The following DLGAP2 variants were observed in gnomAD, a reference collection of about 807,000 sequenced individuals.
The protein encoded by DLGAP2 is DLG associated protein 2.
DLGAP2 carries 26 observed loss-of-function variants against 100.3 expected under a neutral mutation model. The ratio of observed to expected loss-of-function variants is 0.26; its 90% CI spans 0.19 to 0.36. DLGAP2 has a LOEUF of 0.36. Ranked by LOEUF, DLGAP2 falls within the 10% of genes least tolerant of loss-of-function variation. The pLI is 1.00. For synonymous variants in DLGAP2, 886 were observed against 630.1 expected (o/e 1.41, Z -6.08); for missense variants, 1,858 against 1,453.2 (o/e 1.28, Z -4.53).
chr8:1,226,713 G>A (rs1465429832), intron 2 of DLGAP2, among the ~76,000 whole-genome samples: 1 of 152,044 alleles, frequency 6.6e-6, no homozygotes, highest in East Asian at 1.9e-4. Flanking sequence ...ATTTCCCTGA[G>A]GATTAGTGAT....
At chr8:1,029,501 G>A (rs1801913415) in intron 2 of DLGAP2, among the ~76,000 whole-genome samples, 1 of 151,940 alleles carries the variant, frequency 6.6e-6, no homozygotes, top group Admixed American at 6.6e-5. Context: ...GGATGGCCAA[G>A]GGCGTCCAGC....
At chr8:1,048,910 A>G (rs1283435507) in intron 2 of DLGAP2, among the ~76,000 whole-genome samples, 1 of 152,216 alleles carries the variant, frequency 6.6e-6, no homozygotes, top group Non-Finnish European at 1.5e-5. Flanking sequence ...AACTATATTT[A>G]AAACTGCATG....
intron 3 of DLGAP2, among the ~76,000 whole-genome samples, chr8:1,335,876 G>A (rs965040277): frequency 1.3e-5 from 2 of 151,636 alleles, no homozygotes; most frequent in African/African-American, 2.4e-5. Context: ...GTGTGGCAGA[G>A]CCGGGGCTGC....
chr8:1,177,026 C>T (rs141850458), intron 2 of DLGAP2, among the ~76,000 whole-genome samples: 3 of 152,302 alleles, frequency 2.0e-5, no homozygotes, highest in Admixed American at 6.5e-5. Flanking sequence ...TTGAGATCAT[C>T]GTTGATGTCG....
At chr8:1,408,015 A>C (rs974939839) in intron 3 of DLGAP2, among the ~76,000 whole-genome samples, 2 of 152,228 alleles carry the variant, frequency 1.3e-5, no homozygotes, top group East Asian at 1.9e-4. Flanking sequence ...CGCTGGACTC[A>C]GCACTGGATG....
intron 2 of DLGAP2, among the ~76,000 whole-genome samples, chr8:1,044,455 G>A (rs1165514056): frequency 1.3e-5 from 2 of 152,182 alleles, no homozygotes; most frequent in Non-Finnish European, 2.9e-5. Flanking sequence ...TGGTCTCACC[G>A]CACCTGCGTG....
rs145183892 is a variant in DLGAP2 at position 872,653 on chromosome 8, T to G, written c.19-35259T>G. On this transcript the variant is annotated intron_variant, in intron 1 of 14. Transcript: ENST00000637795. ...CTTCTCTCACTTCTTAAAAGCAGTT[T>G]TATTGAGATATAATTCATATACCCC... 2.9e-3 allele frequency among the ~76,000 whole-genome samples: 448 copies of G among 152,328 alleles called. 12 individuals are homozygous for G. The highest frequency in any genetic ancestry group is 2.5e-3 in the East Asian group (13 of 5,184).
At chr8:1,369,442 A>C (rs1236772902) in intron 3 of DLGAP2, 1 of 152,158 alleles carries the variant, frequency 6.6e-6, no homozygotes, top group African/African-American at 2.4e-5. Flanking sequence ...CTTCACATGC[A>C]GTCACATTCT....
intron 3 of DLGAP2, among the ~76,000 whole-genome samples, chr8:1,456,218 C>G (rs1217452949): frequency 1.3e-5 from 2 of 152,194 alleles, no homozygotes; most frequent in Non-Finnish European, 2.9e-5. Context: ...ACGCCCTAGT[C>G]TCTCTGCCAA....
At chr8:854,870 T>TC in intron 1 of DLGAP2, among the ~76,000 whole-genome samples, 1 of 152,302 alleles carries the variant, frequency 6.6e-6, no homozygotes, top group East Asian at 1.9e-4. Context: ...TGGGAAATGC[T>TC]CCCACAGGTA....
At position 1,032,015 on chromosome 8, in the gene DLGAP2, A is replaced by G. The variant is rs141901470; in HGVS notation, c.73+124049A>G. On this transcript the variant is annotated intron_variant, in intron 2 of 14. Transcript: ENST00000637795. Reference sequence around the variant, plus strand: ...CCCGGGCCCTTGTGTGGTTCGTGGGAGCTGATTACTGATGGCGTCAACATC... The same window carrying G: ...CCCGGGCCCTTGTGTGGTTCGTGGGGGCTGATTACTGATGGCGTCAACATC... Among the ~76,000 whole-genome samples, 87 of 152,192 alleles carry G rather than the reference A, an allele frequency of 5.7e-4. No homozygotes were observed. The East Asian group carries it at 0.015, about 26-fold the overall frequency.
intron 3 of DLGAP2, among the ~76,000 whole-genome samples, chr8:1,339,223 T>C (rs1263920196): frequency 6.7e-6 from 1 of 148,976 alleles, no homozygotes; most frequent in Non-Finnish European, 1.5e-5. Context: ...CAGTGAGGCG[T>C]CAGGACCCGG....
At chr8:1,492,446 C>A (rs1194637485) in intron 3 of DLGAP2, among the ~76,000 whole-genome samples, 1 of 152,224 alleles carries the variant, frequency 6.6e-6, no homozygotes, top group Non-Finnish European at 1.5e-5. Flanking sequence ...ATGGGGCAAG[C>A]TCAGATGGCT....
chr8:1,101,808 AC>A (rs1315062789), intron 2 of DLGAP2, among the ~76,000 whole-genome samples: 1 of 27,542 alleles, frequency 3.6e-5, no homozygotes, highest in Non-Finnish European at 8.1e-5. Context: ...TGAGCCGAAC[AC>A]GACACGACGA....
chr8:841,232 G>C (rs938971227), intron 1 of DLGAP2, among the ~76,000 whole-genome samples: 1 of 152,108 alleles, frequency 6.6e-6, no homozygotes, highest in Non-Finnish European at 1.5e-5. Flanking sequence ...CCTCCAAAGA[G>C]GACCAATTCA....
At chr8:1,423,184 T>G (rs1797146600) in intron 3 of DLGAP2, among the ~76,000 whole-genome samples, 1 of 152,182 alleles carries the variant, frequency 6.6e-6, no homozygotes, top group African/African-American at 2.4e-5. Flanking sequence ...ATAATATAGT[T>G]TTGAATTCAA....
intron 2 of DLGAP2, among the ~76,000 whole-genome samples, chr8:1,174,005 C>A (rs1797194184): frequency 6.6e-6 from 1 of 152,142 alleles, no homozygotes; most frequent in African/African-American, 2.4e-5. Context: ...GGAGCTATTC[C>A]TATTTGGCCA....
chr8:1,567,351 G>A (rs901781747), intron 6 of DLGAP2, among the ~76,000 whole-genome samples: 6 of 152,206 alleles, frequency 3.9e-5, no homozygotes, highest in Admixed American at 2.6e-4. Context: ...GTGGGTCCAG[G>A]GCTCCAAGGC....
At chr8:795,409 T>C (rs1796002457) in intron 1 of DLGAP2, among the ~76,000 whole-genome samples, 1 of 152,298 alleles carries the variant, frequency 6.6e-6, no homozygotes, top group Non-Finnish European at 1.5e-5. Flanking sequence ...ACTTAGACTG[T>C]CTAGACAGCA....
Sources: allele counts gnomAD v4.1 joint callset (sites outside exome capture counted in the v4.1 genomes callset), GRCh38; gene constraint gnomAD v4.1.1; transcripts MANE v1.5; gene names NCBI Gene and HGNC (gene_info 2026-07-23, HGNC 2026-07-21).